The following MXI1 variants were observed in gnomAD, a reference collection of about 807,000 sequenced individuals.
MXI1 encodes the protein max-interacting protein 1.
A neutral mutation model predicts 36.9 loss-of-function variants in MXI1; 18 were observed. The ratio of observed to expected loss-of-function variants is 0.49; its 90% confidence interval spans 0.34 to 0.72. The LOEUF is 0.72. Ranked by LOEUF, MXI1 falls within the 30% of genes least tolerant of loss-of-function variation. MXI1 has a pLI of 0.01. For missense variants in MXI1, 304 were observed against 379.1 expected (o/e 0.80, Z 1.64); for synonymous variants, 160 against 146.7 (o/e 1.09, Z -0.65).
intron 2 of MXI1, among the ~76,000 whole-genome samples, chr10:110,230,853 A>C (rs1214972043): frequency 6.6e-6 from 1 of 152,220 alleles, no homozygotes; most frequent in African/African-American, 2.4e-5. Flanking sequence ...ATCTGAAACA[A>C]GGAAAGGAAT....
chr10:110,228,054 A>T, intron 1 of MXI1, 135 bp from the exon 2 acceptor site: 1 of 973,464 alleles, frequency 1.0e-6, no homozygotes, highest in Non-Finnish European at 1.5e-6. Context: ...TAATTTTCTA[A>T]CCAAAAAGAG....
intron 2 of MXI1, among the ~76,000 whole-genome samples, chr10:110,243,721 C>T (rs967526717): frequency 1.3e-5 from 2 of 152,078 alleles, no homozygotes; most frequent in Admixed American, 6.6e-5. Context: ...TAGTAGCTAA[C>T]TTTAGAGTTC....
At chr10:110,228,772 T>C (rs979137106) in intron 2 of MXI1, among the ~76,000 whole-genome samples, 18 of 152,352 alleles carry the variant, frequency 1.2e-4, no homozygotes, top group African/African-American at 3.8e-4. Flanking sequence ...GATGTGGTTA[T>C]TTGTTTAAGG....
At chr10:110,250,923 G>C (rs1166010023) in intron 3 of MXI1, among the ~76,000 whole-genome samples, 1 of 145,084 alleles carries the variant, frequency 6.9e-6, no homozygotes, top group Non-Finnish European at 1.5e-5. Context: ...ACCTTAAATA[G>C]CTGTTATTCC....
chr10:110,209,698 TG>T (rs1564702248), intron 1 of MXI1, among the ~76,000 whole-genome samples: 1 of 152,130 alleles, frequency 6.6e-6, no homozygotes, highest in African/African-American at 2.4e-5. Context: ...TGCATTTGTC[TG>T]GAGGGTAGTT....
chr10:110,255,757 T>C (rs1045178258), intron 3 of MXI1, among the ~76,000 whole-genome samples: 3 of 152,178 alleles, frequency 2.0e-5, no homozygotes, highest in Non-Finnish European at 4.4e-5. Context: ...AATTGATCTA[T>C]AGATTCAGTG....
chr10:110,246,547 C>T (rs1464945630), intron 3 of MXI1, among the ~76,000 whole-genome samples: 1 of 152,158 alleles, frequency 6.6e-6, no homozygotes, highest in Admixed American at 6.5e-5. Context: ...TACTACTTTG[C>T]ACAGTGCTGT....
At chr10:110,244,935 A>G (rs1014406589) in intron 3 of MXI1, 78 bp downstream of exon 3, 3 of 1,384,876 alleles carry the variant, frequency 2.2e-6, no homozygotes, top group Admixed American at 2.0e-5. Flanking sequence ...ATAATGTAAT[A>G]GTGCATATGT....
At chr10:110,229,917 G>A (rs11812839) in intron 2 of MXI1, among the ~76,000 whole-genome samples, 33,720 of 151,810 alleles carry the variant, frequency 0.22, 4,436 homozygotes, top group African/African-American at 0.37. Context: ...GGGTTCTGTC[G>A]TGCTGCAAGT....
At chr10:110,226,922 G>T (rs1332994010) in intron 1 of MXI1, among the ~76,000 whole-genome samples, 1 of 17,174 alleles carries the variant, frequency 5.8e-5, no homozygotes, top group African/African-American at 3.0e-4. Context: ...CGCGTGTGAG[G>T]GGAGGGGCGT....
intron 3 of MXI1, among the ~76,000 whole-genome samples, chr10:110,267,252 T>C (rs1302220708): frequency 6.6e-6 from 1 of 152,192 alleles, no homozygotes; most frequent in Non-Finnish European, 1.5e-5. Context: ...CAATAAAAAA[T>C]AGAAATAAAA....
intron 5 of MXI1, 110 bp downstream of exon 5, chr10:110,280,195 A>G: frequency 2.2e-6 from 2 of 892,078 alleles, no homozygotes; most frequent in Non-Finnish European, 3.2e-6. Flanking sequence ...CAACAGAGTA[A>G]CATTGTAGGT....
Position 110,261,265 on chromosome 10 carries a change from G to A in MXI1, c.437+16408G>A, listed in dbSNP as rs1275694324. ...TTCCTAATTCTAGGACATGTCTACT[G>A]TTTATTTTTTTTGCTTGCAGAGTTG... On this transcript the variant is annotated intron_variant, in intron 3 of 5. Coordinates refer to ENST00000332674, the MANE Select transcript of MXI1 (RefSeq NM_130439.3). The A allele has an allele frequency of 4.8e-5, 25 of 519,896 alleles. 1 individual carries two copies. The Admixed American group carries it at 1.5e-3, about 31-fold the overall frequency. 32.2% of individuals were successfully genotyped at this position (519,896 alleles called of 1,614,324 possible). A position where few individuals can be genotyped will look rare whatever the true frequency, so the allele number is the denominator to read the frequency against.
chr10:110,213,985 A>G (rs1238252147), intron 1 of MXI1, among the ~76,000 whole-genome samples: 2 of 152,202 alleles, frequency 1.3e-5, no homozygotes, highest in Non-Finnish European at 2.9e-5. Context: ...CTTCACAACA[A>G]CCTTCTGATG....
chr10:110,223,233 G>A (rs1041962130), intron 1 of MXI1, among the ~76,000 whole-genome samples: 2 of 152,206 alleles, frequency 1.3e-5, no homozygotes, highest in African/African-American at 4.8e-5. Flanking sequence ...AAGCCATCTT[G>A]AATTCATGTA....
At chr10:110,241,060 T>C (rs1855653203) in intron 2 of MXI1, among the ~76,000 whole-genome samples, 1 of 152,016 alleles carries the variant, frequency 6.6e-6, no homozygotes, top group Non-Finnish European at 1.5e-5. Flanking sequence ...AGTTTATGTA[T>C]TGGAGCTATG....
chr10:110,284,236 T>A (rs141350885), intron 5 of MXI1, among the ~76,000 whole-genome samples: 2 of 152,232 alleles, frequency 1.3e-5, no homozygotes, highest in East Asian at 3.9e-4. Flanking sequence ...TATTTCAAGC[T>A]ATATTTGATG....
chr10:110,285,081 C>A lies in MXI1; in HGVS notation c.*94C>A. 6 of 1,240,208 alleles carry A rather than the reference C, an allele frequency of 4.8e-6. No homozygotes were observed. The highest frequency in any genetic ancestry group is 3.1e-5 in the African/African-American group (2 of 64,478). The allele number at this position is 1,240,208 out of a possible 1,614,324, so 76.8% of individuals were successfully genotyped here. On this transcript the variant is annotated 3_prime_UTR_variant, in exon 6 of 6. Transcript: ENST00000332674. The stretch of plus-strand genomic sequence containing the variant: ...AATTGGGTTCATGATGCAGTCTCCT[C>A]TTTAAAACAAAACAAAACAAAACAA...
chr10:110,251,120 T>C (rs1443205480), intron 3 of MXI1, among the ~76,000 whole-genome samples: 1 of 150,828 alleles, frequency 6.6e-6, no homozygotes, highest in Non-Finnish European at 1.5e-5. Flanking sequence ...GAAATTAGCA[T>C]TTATAGAGTT....
Sources: gnomAD v4.1 joint callset for allele counts (sites outside exome capture counted in the v4.1 genomes callset) on GRCh38, gnomAD v4.1.1 for gene constraint, MANE v1.5 for transcripts, NCBI Gene and HGNC (gene_info 2026-07-23, HGNC 2026-07-21) for gene names.